ESPL1: variants seen among roughly 807,000 people sequenced by gnomAD.
ESPL1 encodes separin.
ESPL1 carries 50 observed loss-of-function variants against 217.2 expected under a neutral mutation model. That is an observed-to-expected ratio of 0.23 (90% CI 0.18 to 0.29). The LOEUF (loss-of-function observed/expected upper bound fraction) is 0.29. Ranked by LOEUF, ESPL1 falls within the 10% of genes least tolerant of loss-of-function variation. The probability of loss-of-function intolerance (pLI) is 1.00; values close to 1 mark genes in which losing one functional copy is unlikely to be tolerated. For missense variants in ESPL1, 1,834 were observed against 2,603.0 expected, an observed-to-expected ratio of 0.70 and a Z score of 6.43; for synonymous variants, 994 against 1,081.3, an observed-to-expected ratio of 0.92 and a Z score of 1.58.
At chr12:53,287,066 CTTTTTTG>C (rs890504600) in intron 18 of ESPL1, among the ~76,000 whole-genome samples, 154 bp downstream of exon 18, 1 of 152,076 alleles carries the variant, frequency 6.6e-6, no homozygotes, top group African/African-American at 2.4e-5. Context: ...CAATATCTTG[CTTTTTTG>C]TTTTTTGTTG....
At position 53,292,142 on chromosome 12, in the gene ESPL1, A is replaced by T; in HGVS notation, c.5796+54A>T. 10 of 1,494,442 alleles carry T rather than the reference A, an allele frequency of 6.7e-6. No individual in the cohort carries two copies. Among genetic ancestry groups the T allele is most frequent in the Non-Finnish European group, 9.3e-6 (10 of 1,070,930 alleles). 92.6% of individuals were successfully genotyped at this position (1,494,442 alleles called of 1,614,324 possible). ...TGACTGGCGACTGGGGAAGACGTCA[A>T]CAAAGAAGGGCAGAGAAACCTGAGA... On this transcript the variant is annotated intron_variant, in intron 27 of 30. Transcript: ENST00000257934. The surrounding 1 kb of genome is among the most constrained non-coding windows in gnomAD (Gnocchi z 4.5).
chr12:53,282,280 C>T lies in ESPL1; in HGVS notation c.2636C>T (p.Ser879Phe), dbSNP rs1187189649. ...WTHQKVTKGV[S>F]LLLSVLRDPA... Reference sequence around the variant, plus strand: ...CTCCTTCAGGTGACCAAGGGTGTCTCTCTGCTGCTGTCTGTGCTTCGGGAT... The same window carrying T: ...CTCCTTCAGGTGACCAAGGGTGTCTTTCTGCTGCTGTCTGTGCTTCGGGAT... Residue 879 changes from serine to phenylalanine, a missense_variant, in exon 14 of 31, where the codon TCT becomes TTT. By Grantham distance (155) the Ser-to-Phe change is radical. Coordinates refer to ENST00000257934, the MANE Select transcript of ESPL1 (RefSeq NM_012291.5). This position sits in a 1 kb window ranked among gnomAD's most constrained non-coding sequence, Gnocchi z 4.0. 2.5e-6 allele frequency: 4 copies of T among 1,614,076 alleles called. No homozygotes were observed. Among genetic ancestry groups the T allele is most frequent in the African/African-American group, 1.3e-5 (1 of 75,030 alleles).
intron 18 of ESPL1, chr12:53,287,685 C>G (rs1338534500): frequency 3.5e-6 from 1 of 285,220 alleles, no homozygotes; most frequent in Admixed American, 5.0e-5. Flanking sequence ...ACAGCAAGAC[C>G]TATTTCCAAG....
chr12:53,268,871 A>G (rs773431035), intron 2 of ESPL1, 24 bp downstream of exon 2: 1 of 1,590,922 alleles, frequency 6.3e-7, no homozygotes, highest in South Asian at 1.1e-5. Flanking sequence ...CTGGCTCGGG[A>G]TACACCTGGC....
Position 53,288,538 on chromosome 12 carries a change from G to A in ESPL1, c.4547G>A (p.Gly1516Asp). Residue 1516 changes from glycine to aspartate, a missense_variant and splice_region_variant, in exon 20 of 31, where the codon GGT (glycine) becomes GAT (aspartate). This residue lies in a region of ESPL1 where 681 missense variants were observed against 808.0 expected (regional missense o/e 0.84). Transcript: ENST00000257934. ...TGAAAAAGGCCTGCTCTCTCCCCAG[G>A]TGGGAAGACTCCAGCTCCGGGCCCT... ...RGSDGEDSASGGKTPAPGPEA... is the reference protein window; with the variant it reads ...RGSDGEDSASDGKTPAPGPEA... 1 of 1,609,438 alleles carries A rather than the reference G, an allele frequency of 6.2e-7. No individual in the cohort carries two copies. The highest frequency in any genetic ancestry group is 8.5e-7 in the Non-Finnish European group (1 of 1,178,386).
chr12:53,277,615 G>A lies in ESPL1; in HGVS notation c.2224+7G>A. On this transcript the variant is annotated splice_region_variant and intron_variant, in intron 10 of 30. Coordinates refer to ENST00000257934, the MANE Select transcript of ESPL1 (RefSeq NM_012291.5). ...AACCTGGCTGCAGATGCTGGTGAGG[G>A]GTAAATGGAGTGTGGCATGGGCATC... 1 of 1,613,846 alleles carries A rather than the reference G, an allele frequency of 6.2e-7. No individual in the cohort carries two copies. The highest frequency in any genetic ancestry group is 1.1e-5 in the South Asian group (1 of 91,040).
At chr12:53,272,208 G>C (rs1414464127) in intron 5 of ESPL1, among the ~76,000 whole-genome samples, 1 of 152,178 alleles carries the variant, frequency 6.6e-6, no homozygotes, top group African/African-American at 2.4e-5. Context: ...TCTAGTTTGG[G>C]GGGAAAAGAT....
chr12:53,293,523 C>T lies in ESPL1; in HGVS notation c.*49C>T, dbSNP rs762134127. Reference sequence around the variant, plus strand: ...GCTAGAAGCCTCATAACTGTTCTACCTCCAAGGTTAGATTTAATCCTTAGG... The same window carrying T: ...GCTAGAAGCCTCATAACTGTTCTACTTCCAAGGTTAGATTTAATCCTTAGG... On this transcript the variant is annotated 3_prime_UTR_variant, in exon 31 of 31. Coordinates refer to ENST00000257934, the MANE Select transcript of ESPL1 (RefSeq NM_012291.5). This position sits in a 1 kb window ranked among gnomAD's most constrained non-coding sequence, Gnocchi z 4.2. 1.5e-6 allele frequency: 2 copies of T among 1,377,666 alleles called. No homozygotes were observed. The highest frequency in any genetic ancestry group is 1.2e-5 in the South Asian group (1 of 85,986). The allele number at this position is 1,377,666 out of a possible 1,614,324, so 85.3% of individuals were successfully genotyped here. A position where few individuals can be genotyped will look rare whatever the true frequency, so the allele number is the denominator to read the frequency against.
Position 53,293,079 on chromosome 12 carries a change from A to G in ESPL1, c.6161+109A>G, listed in dbSNP as rs906061113. 1.7e-6 allele frequency: 2 copies of G among 1,154,298 alleles called. No individual in the cohort carries two copies. The highest frequency in any genetic ancestry group is 2.9e-5 in the South Asian group (2 of 67,956). 71.5% of individuals were successfully genotyped at this position (1,154,298 alleles called of 1,614,324 possible). A position where few individuals can be genotyped will look rare whatever the true frequency, so the allele number is the denominator to read the frequency against. On this transcript the variant is annotated intron_variant, in intron 30 of 30. Coordinates refer to ENST00000257934, the MANE Select transcript of ESPL1 (RefSeq NM_012291.5). This position sits in a 1 kb window ranked among gnomAD's most constrained non-coding sequence, Gnocchi z 4.2. Reference sequence around the variant, plus strand: ...CTCTCTTGTGCCCCATTTTCCTCCTATCCTAGTTAGTTCCCTGGCATGCCT... The same window carrying G: ...CTCTCTTGTGCCCCATTTTCCTCCTGTCCTAGTTAGTTCCCTGGCATGCCT...
chr12:53,271,490 T>G (rs1943674104), intron 5 of ESPL1, among the ~76,000 whole-genome samples: 1 of 151,994 alleles, frequency 6.6e-6, no homozygotes, highest in Non-Finnish European at 1.5e-5. Flanking sequence ...CCTGAAACCC[T>G]GTCTCTACTA....
At position 53,269,189 on chromosome 12, in the gene ESPL1, G is replaced by A; in HGVS notation, c.247G>A (p.Asp83Asn). ...GCTGGAGCTGGCAGAGCTGGCCTGTGATGGCTACTTAGTGTCTACCCCACA... is the reference window on the plus strand; with the variant it reads ...GCTGGAGCTGGCAGAGCTGGCCTGTAATGGCTACTTAGTGTCTACCCCACA... ...SLLELAELAC[D>N]GYLVSTPQRP... The change falls in exon 3 of 31, where the codon GAT becomes AAT. Residue 83 changes from aspartate (D) to asparagine (N), a missense_variant. Asp to Asn is a conservative substitution (Grantham distance 23). Transcript: ENST00000257934. The surrounding 1 kb of genome is among the most constrained non-coding windows in gnomAD (Gnocchi z 6.7). 6.2e-7 allele frequency: 1 copy of A among 1,614,188 alleles called. No homozygotes were observed. Among genetic ancestry groups the A allele is most frequent in the South Asian group, 1.1e-5 (1 of 91,090 alleles).
At position 53,286,873 on chromosome 12, in the gene ESPL1, G is replaced by C. The variant is rs1404820219; in HGVS notation, c.4137G>C (p.Gln1379His). The C allele has an allele frequency of 1.2e-6, 2 of 1,612,142 alleles. No individual in the cohort carries two copies. The highest frequency in any genetic ancestry group is 2.7e-5 in the African/African-American group (2 of 74,852). ...CAGAGAGCAAGCCTGAAGTACCCCA[G>C]GCCCCCAGGGTACAACAGAGAGTCC... ...CPTESKPEVP[Q>H]APRVQQRVQT... Residue 1379 changes from glutamine to histidine, a missense_variant, in exon 18 of 31, where the codon CAG (glutamine) becomes CAC (histidine). By Grantham distance (24) the Gln-to-His change is conservative (BLOSUM62 0). This residue lies in a region of ESPL1 where 681 missense variants were observed against 808.0 expected (regional missense o/e 0.84). Transcript: ENST00000257934. The surrounding 1 kb of genome is among the most constrained non-coding windows in gnomAD (Gnocchi z 5.3).
At position 53,283,260 on chromosome 12, in the gene ESPL1, G is replaced by A. The variant is rs752628100; in HGVS notation, c.2920+3G>A. On this transcript the variant is annotated splice_donor_region_variant and intron_variant, in intron 15 of 30. Coordinates refer to ENST00000257934, the MANE Select transcript of ESPL1 (RefSeq NM_012291.5). The stretch of plus-strand genomic sequence containing the variant: ...GGAGACATCGTTTTTGGACTATGGT[G>A]AGTCTGGGGAGGACAGCAGGGCCCT... 2.9e-5 allele frequency: 47 copies of A among 1,614,114 alleles called. No homozygotes were observed. Among genetic ancestry groups the A allele is most frequent in the Non-Finnish European group, 5.9e-6 (7 of 1,180,046 alleles).
chr12:53,289,711 C>T (rs1457857539), intron 22 of ESPL1, 117 bp downstream of exon 22: 1 of 826,786 alleles, frequency 1.2e-6, no homozygotes, highest in Non-Finnish European at 1.9e-6. Flanking sequence ...ACCCTTATGT[C>T]ATACCTTTTC....
chr12:53,270,247 C>A, intron 3 of ESPL1, 131 bp from the exon 4 acceptor site: 2 of 927,302 alleles, frequency 2.2e-6, no homozygotes, highest in Non-Finnish European at 1.7e-6. Context: ...CCTGAGAGGG[C>A]AGTGGCCCTT....
At chr12:53,284,434 G>A (rs1565759670) in intron 17 of ESPL1, among the ~76,000 whole-genome samples, 2 of 151,712 alleles carry the variant, frequency 1.3e-5, no homozygotes, top group African/African-American at 4.8e-5. Flanking sequence ...TTTTTTATTT[G>A]TAGTAGAGAT....
chr12:53,288,501 GA>G, intron 19 of ESPL1, 36 bp from the exon 20 acceptor site: 1 of 1,585,810 alleles, frequency 6.3e-7, no homozygotes, highest in Non-Finnish European at 8.6e-7. Flanking sequence ...ATGGCAGGGG[GA>G]GGGAGCACTG....
In ESPL1 at chr12:53,268,339, T is replaced by G. The variant is rs1274282392; in HGVS notation, c.-51T>G. 6.2e-6 allele frequency: 1 copy of G among 160,622 alleles called. No homozygotes were observed. Among genetic ancestry groups the G allele is most frequent in the Non-Finnish European group, 1.4e-5 (1 of 73,460 alleles). 9.9% of individuals were successfully genotyped at this position (160,622 alleles called of 1,614,324 possible). A position where few individuals can be genotyped will look rare whatever the true frequency, so the allele number is the denominator to read the frequency against. On this transcript the variant is annotated 5_prime_UTR_variant, in exon 1 of 31. Transcript: ENST00000257934. ...CCTCGCGGAGTACTGGTCAGGCGGT[T>G]AAGTCCTGTACCTAGGAAAGAGGGC...
intron 2 of ESPL1, 71 bp downstream of exon 2, chr12:53,268,918 G>T: frequency 6.6e-7 from 1 of 1,510,516 alleles, no homozygotes; most frequent in South Asian, 1.1e-5. Context: ...GCCTTTTGAA[G>T]AGATGGATAA....
Sources: gnomAD v4.1 joint callset for allele counts (sites outside exome capture counted in the v4.1 genomes callset) on GRCh38, gnomAD v4.1.1 for gene constraint, gnomAD v4.1.1 regional missense constraint, Gnocchi (gnomAD v3.1) non-coding constraint, MANE v1.5 for transcripts, NCBI Gene and HGNC (gene_info 2026-07-23, HGNC 2026-07-21) for gene names.